Variants in INVS observed in about 807,000 individuals in gnomAD.
The protein encoded by INVS is inversin, also known as inversion of embryo turning homolog.
In INVS, 86 loss-of-function variants were observed where a neutral mutation model predicts 108.8. That is an observed-to-expected ratio of 0.79 (90% CI 0.66 to 0.95). INVS has a LOEUF of 0.95. Among genes scored for constraint, INVS ranks in the 40% least tolerant of loss-of-function variants. INVS has a pLI of 0.00. For synonymous variants in INVS, 455 were observed against 473.5 expected (o/e 0.96, Z 0.51); for missense variants, 1,169 against 1,297.4 (o/e 0.90, Z 1.52).
intron 12 of INVS, among the ~76,000 whole-genome samples, 196 bp from the exon 13 acceptor site, chr9:100,284,124 A>G (rs549548024): frequency 1.3e-5 from 2 of 152,146 alleles, no homozygotes; most frequent in African/African-American, 2.4e-5. Flanking sequence ...CTGCTCCATC[A>G]TCTTTTGGGC....
chr9:100,150,584 T>G (rs1350315943), intron 3 of INVS, among the ~76,000 whole-genome samples: 1 of 152,202 alleles, frequency 6.6e-6, no homozygotes, highest in African/African-American at 2.4e-5. Context: ...TAATTTTGTA[T>G]ATAACATCAA....
intron 1 of INVS, among the ~76,000 whole-genome samples, chr9:100,103,721 G>A (rs1286460211): frequency 2.0e-5 from 3 of 149,344 alleles, no homozygotes; most frequent in African/African-American, 7.4e-5. Flanking sequence ...GGAGGGGAGG[G>A]GATGGGATTT....
intron 14 of INVS, among the ~76,000 whole-genome samples, chr9:100,296,471 A>G (rs759258934): frequency 6.6e-6 from 1 of 152,178 alleles, no homozygotes; most frequent in African/African-American, 2.4e-5. Context: ...GCCTCTATCT[A>G]TCTCTGCTGA....
chr9:100,295,957 G>A (rs1833777197), intron 14 of INVS, among the ~76,000 whole-genome samples: 1 of 152,192 alleles, frequency 6.6e-6, no homozygotes, highest in Non-Finnish European at 1.5e-5. Context: ...TTCTAGTAGA[G>A]GGATGCCATG....
intron 3 of INVS, among the ~76,000 whole-genome samples, chr9:100,193,726 A>G (rs556654685): frequency 6.6e-6 from 1 of 152,340 alleles, no homozygotes; most frequent in South Asian, 2.1e-4. Context: ...TTCACTCAGT[A>G]TAATTATTTT....
At chr9:100,231,423 A>G (rs1384443943) in intron 5 of INVS, among the ~76,000 whole-genome samples, 1 of 152,086 alleles carries the variant, frequency 6.6e-6, no homozygotes, top group African/African-American at 2.4e-5. Context: ...TTTGTTACAT[A>G]GGTATACATG....
In INVS at chr9:100,179,311, T is replaced by G. The variant is rs572582063; in HGVS notation, c.274-46751T>G. On this transcript the variant is annotated intron_variant, in intron 3 of 16. Transcript: ENST00000262457. ...CGATATTAACCTTAAATGTAAATGG[T>G]CTAAATGCCCCAATTAAAAGACACA... is the stretch of plus-strand genomic sequence containing the variant. Among the ~76,000 whole-genome samples the G allele has an allele frequency of 3.9e-5, 6 of 152,070 alleles. No individual in the cohort carries two copies. The South Asian group carries it at 1.2e-3, about 32-fold the overall frequency.
rs1239750014 is a variant in INVS at position 100,284,586 on chromosome 9, A to T, written c.2051A>T (p.Asn684Ile). ...QHVSSDLQGTNSRRPNETARE... is the reference protein window; with the variant it reads ...QHVSSDLQGTISRRPNETARE... ...GTTTCCTCAGATTTGCAGGGAACAA[A>T]CTCCAGAAGGCCAAATGGTAGGTGT... is the stretch of plus-strand genomic sequence containing the variant. The change falls in exon 13 of 17, where the codon AAC (asparagine) becomes ATC (isoleucine). Residue 684 changes from asparagine (N) to isoleucine (I), a missense_variant. Physicochemically the swap from Asn to Ile is moderately radical, Grantham distance 149. Coordinates refer to ENST00000262457, the MANE Select transcript of INVS (RefSeq NM_014425.5). 1.2e-6 allele frequency: 2 copies of T among 1,613,474 alleles called. No individual in the cohort carries two copies. The highest frequency in any genetic ancestry group is 1.7e-6 in the Non-Finnish European group (2 of 1,179,748).
intron 11 of INVS, among the ~76,000 whole-genome samples, chr9:100,270,823 G>A (rs886955996): frequency 1.3e-5 from 2 of 150,320 alleles, no homozygotes; most frequent in Non-Finnish European, 3.0e-5. Context: ...TTGGGGGGCT[G>A]AGGCAGGAGG....
At chr9:100,193,866 G>C (rs1389582509) in intron 3 of INVS, among the ~76,000 whole-genome samples, 1 of 152,156 alleles carries the variant, frequency 6.6e-6, no homozygotes, top group Non-Finnish European at 1.5e-5. Context: ...TCCTGACTCA[G>C]CCTCCTAAAG....
intron 3 of INVS, among the ~76,000 whole-genome samples, chr9:100,166,936 C>T (rs1829382271): frequency 6.6e-6 from 1 of 152,172 alleles, no homozygotes; most frequent in African/African-American, 2.4e-5. Flanking sequence ...TCCTCTGCTC[C>T]AGACCCTTTA....
At chr9:100,194,902 T>G (rs2118184973) in intron 3 of INVS, among the ~76,000 whole-genome samples, 1 of 152,226 alleles carries the variant, frequency 6.6e-6, no homozygotes, top group South Asian at 2.1e-4. Context: ...GCTAGAGAGC[T>G]GGGGCTGATG....
chr9:100,141,874 A>AATAG (rs1828440785), intron 3 of INVS, among the ~76,000 whole-genome samples: 1 of 152,178 alleles, frequency 6.6e-6, no homozygotes, highest in Non-Finnish European at 1.5e-5. Flanking sequence ...ATGACGACAG[A>AATAG]ATAGAATGGG....
chr9:100,246,436 G>A (rs927922133), intron 7 of INVS, among the ~76,000 whole-genome samples, 180 bp from the exon 8 acceptor site: 1 of 152,160 alleles, frequency 6.6e-6, no homozygotes, highest in Non-Finnish European at 1.5e-5. Context: ...AAGGACAGAG[G>A]ATTGTTATCT....
At chr9:100,157,267 C>CTTTCTTTTTTTTTT (rs1829021358) in intron 3 of INVS, among the ~76,000 whole-genome samples, 1 of 130,098 alleles carries the variant, frequency 7.7e-6, no homozygotes, top group African/African-American at 3.3e-5. Flanking sequence ...TCTTTTTTTT[C>CTTTCTTTTTTTTTT]TTTTTTTTTT....
chr9:100,246,105 A>T (rs895971857), intron 7 of INVS, among the ~76,000 whole-genome samples: 5 of 151,556 alleles, frequency 3.3e-5, no homozygotes, highest in Non-Finnish European at 5.9e-5. Flanking sequence ...GTGAGCCGAG[A>T]TTGCACCACT....
intron 2 of INVS, chr9:100,117,352 A>C (rs1827566741): frequency 2.7e-6 from 2 of 745,546 alleles, no homozygotes; most frequent in Admixed American, 3.6e-5. Context: ...GGAAAAAGTC[A>C]ATGATCTCAG....
chr9:100,244,232 A>G (rs1588116903), intron 7 of INVS, among the ~76,000 whole-genome samples: 1 of 152,128 alleles, frequency 6.6e-6, no homozygotes, highest in Admixed American at 6.5e-5. Flanking sequence ...ATCATTATCT[A>G]TTATCACCTA....
intron 3 of INVS, among the ~76,000 whole-genome samples, chr9:100,157,225 G>A (rs957682896): frequency 1.1e-4 from 16 of 148,904 alleles, no homozygotes; most frequent in Admixed American, 8.6e-4. Context: ...GTATCATATA[G>A]ATTGCAAAAA....
Sources: allele counts gnomAD v4.1 joint callset (sites outside exome capture counted in the v4.1 genomes callset), GRCh38; gene constraint gnomAD v4.1.1; transcripts MANE v1.5; gene names NCBI Gene and HGNC (gene_info 2026-07-23, HGNC 2026-07-21).